The following PI4K2B variants were observed in gnomAD, a reference collection of about 807,000 sequenced individuals.
PI4K2B encodes the protein phosphatidylinositol 4-kinase type 2-beta.
PI4K2B carries 46 observed loss-of-function variants against 56.6 expected under a neutral mutation model. That is an observed-to-expected ratio of 0.81 (90% CI 0.64 to 1.04). The LOEUF (loss-of-function observed/expected upper bound fraction) is 1.04. Ranked by LOEUF, PI4K2B falls within the 50% of genes least tolerant of loss-of-function variation. PI4K2B has a pLI of 0.00. For synonymous variants in PI4K2B, 211 were observed against 223.8 expected, an observed-to-expected ratio of 0.94 and a Z score of 0.51; for missense variants, 556 against 607.7, an observed-to-expected ratio of 0.91 and a Z score of 0.89.
At chr4:25,272,746 A>G (rs1484221681) in intron 9 of PI4K2B, among the ~76,000 whole-genome samples, 1 of 152,170 alleles carries the variant, frequency 6.6e-6, no homozygotes, top group Non-Finnish European at 1.5e-5. Context: ...CACACCTGTA[A>G]TCCCAGTTTG....
In PI4K2B at chr4:25,234,062, T is replaced by C; in HGVS notation, c.-102T>C. 1 of 1,014,824 alleles carries C rather than the reference T, an allele frequency of 9.9e-7. No individual in the cohort carries two copies. Among genetic ancestry groups the C allele is most frequent in the Non-Finnish European group, 1.3e-6 (1 of 790,018 alleles). The allele number at this position is 1,014,824 out of a possible 1,614,324, so 62.9% of individuals were successfully genotyped here. ...GTGCCCGTGCGCTGGTGAGGTGGCG[T>C]CCGTTCTACCCGGTCGCTCCCGTTC... is the stretch of plus-strand genomic sequence containing the variant. On this transcript the variant is annotated 5_prime_UTR_variant, in exon 1 of 10. Transcript: ENST00000264864.
At chr4:25,266,070 T>C (rs1434689123) in intron 7 of PI4K2B, among the ~76,000 whole-genome samples, 1 of 152,106 alleles carries the variant, frequency 6.6e-6, no homozygotes, top group African/African-American at 2.4e-5. Flanking sequence ...CCACTTTGTG[T>C]ATACCTCAGT....
At chr4:25,273,181 T>A (rs887562866) in intron 9 of PI4K2B, among the ~76,000 whole-genome samples, 8 of 150,556 alleles carry the variant, frequency 5.3e-5, no homozygotes, top group African/African-American at 2.0e-4. Context: ...ACGTTAAAGA[T>A]AAACAATGTT....
At chr4:25,273,990 T>A (rs28687138) in intron 9 of PI4K2B, among the ~76,000 whole-genome samples, 4,866 of 152,230 alleles carry the variant, frequency 0.032, 108 homozygotes, top group African/African-American at 0.069. Context: ...TGCCTTGCCC[T>A]CTGTATCTAG....
At chr4:25,260,104 T>C (rs907135613) in intron 5 of PI4K2B, among the ~76,000 whole-genome samples, 5 of 152,196 alleles carry the variant, frequency 3.3e-5, no homozygotes, top group Admixed American at 6.5e-5. Context: ...TTAATTTACA[T>C]ATATATGTTT....
rs543204055 is a variant in PI4K2B, at chr4:25,267,904, G to C, written c.1079-539G>C. Reference sequence around the variant, plus strand: ...ATTTCTGATGATTTGTAGCTGTGGAGGCTAGGCAGACCTCAGCTGTGGTAT... The same window carrying C: ...ATTTCTGATGATTTGTAGCTGTGGACGCTAGGCAGACCTCAGCTGTGGTAT... On this transcript the variant is annotated intron_variant, in intron 7 of 9. Coordinates refer to ENST00000264864, the MANE Select transcript of PI4K2B (RefSeq NM_018323.4). The C allele has an allele frequency of 6.1e-6, 6 of 976,160 alleles. No individual in the cohort carries two copies. In the African/African-American group the frequency reaches 8.7e-5, roughly 14 times the overall value. 60.5% of individuals were successfully genotyped at this position (976,160 alleles called of 1,614,324 possible).
At chr4:25,252,093 C>T (rs566281475) in intron 1 of PI4K2B, among the ~76,000 whole-genome samples, 10 of 152,166 alleles carry the variant, frequency 6.6e-5, no homozygotes, top group Non-Finnish European at 1.5e-4. Flanking sequence ...TCCTAAAGTG[C>T]TGGGATTACA....
rs778150664 is a variant in PI4K2B at position 25,234,198 on chromosome 4, C to T, written c.35C>T (p.Ser12Phe). ...CCCTCCGAGCCCGACCGGTTGGCGT[C>T]CGCGGACGGCGGGAGCCCGGAGGAG... ...EDPSEPDRLASADGGSPEEEE... is the reference protein window; with the variant it reads ...EDPSEPDRLAFADGGSPEEEE... Residue 12 changes from serine to phenylalanine, a missense_variant, in exon 1 of 10, where the codon TCC becomes TTC. Physicochemically the swap from Ser to Phe is radical, Grantham distance 155. Coordinates refer to ENST00000264864, the MANE Select transcript of PI4K2B (RefSeq NM_018323.4). 1 of 1,404,232 alleles carries T rather than the reference C, an allele frequency of 7.1e-7. No individual in the cohort carries two copies. The highest frequency in any genetic ancestry group is 9.3e-7 in the Non-Finnish European group (1 of 1,078,564). 87.0% of individuals were successfully genotyped at this position (1,404,232 alleles called of 1,614,324 possible). A position where few individuals can be genotyped will look rare whatever the true frequency, so the allele number is the denominator to read the frequency against.
chr4:25,251,265 C>A (rs1244360878), intron 1 of PI4K2B, among the ~76,000 whole-genome samples: 1 of 152,042 alleles, frequency 6.6e-6, no homozygotes, highest in Non-Finnish European at 1.5e-5. Flanking sequence ...CTGCTTATTT[C>A]TTAATGAAAT....
rs1002609763 is a variant in PI4K2B, at chr4:25,238,503, G to T, written c.268+4072G>T. ...GAAGCCATGGACCCTCGCGGTTAGT[G>T]TTACAGTTCTTAAAGGCGGTGTGTT... On this transcript the variant is annotated intron_variant, in intron 1 of 9. Transcript: ENST00000264864. Among the ~76,000 whole-genome samples, 15 of 152,290 alleles carry T rather than the reference G, an allele frequency of 9.8e-5. No individual in the cohort carries two copies. In the East Asian group the frequency reaches 2.9e-3, roughly 29 times the overall value.
At chr4:25,266,655 G>A (rs886690741) in intron 7 of PI4K2B, among the ~76,000 whole-genome samples, 7 of 152,226 alleles carry the variant, frequency 4.6e-5, no homozygotes, top group African/African-American at 1.4e-4. Flanking sequence ...GGTACATCTA[G>A]GAAATTTTAC....
intron 9 of PI4K2B, among the ~76,000 whole-genome samples, chr4:25,273,306 A>G (rs1390550569): frequency 1.3e-5 from 2 of 152,210 alleles, no homozygotes; most frequent in African/African-American, 4.8e-5. Context: ...AATGTGAAAT[A>G]TATTTTCCAT....
intron 8 of PI4K2B, 121 bp downstream of exon 8, chr4:25,268,697 A>G (rs1334406063): frequency 4.8e-6 from 3 of 626,658 alleles, no homozygotes; most frequent in African/African-American, 3.8e-5. Context: ...AAAACCTGAC[A>G]GGACAGAGAG....
At chr4:25,273,969 TTTCCCCTCGATGCC>T (rs1350314904) in intron 9 of PI4K2B, among the ~76,000 whole-genome samples, 1 of 152,176 alleles carries the variant, frequency 6.6e-6, no homozygotes, top group Admixed American at 6.5e-5. Flanking sequence ...CACGCGATTC[TTTCCCCTCGATGCC>T]TTGCCCTCTG....
rs756870319 is a variant in PI4K2B, at chr4:25,277,088, G to C, written c.1347G>C (p.Val449=). 6.2e-7 allele frequency: 1 copy of C among 1,613,794 alleles called. No homozygotes were observed. Among genetic ancestry groups the C allele is most frequent in the Non-Finnish European group, 8.5e-7 (1 of 1,179,768 alleles). The stretch of plus-strand genomic sequence containing the variant: ...TAGTACAGATACCTTGTGTGATTGT[G>C]GAACGCAGTCAAGGTGGAAGTCAGG... ...FQLVQIPCVI[V]ERSQGGSQGR... The change falls in exon 10 of 10, where the codon GTG becomes GTC. Residue 449 remains valine, a synonymous_variant. Transcript: ENST00000264864.
At chr4:25,237,509 G>T (rs1465037377) in intron 1 of PI4K2B, among the ~76,000 whole-genome samples, 1 of 152,116 alleles carries the variant, frequency 6.6e-6, no homozygotes, top group African/African-American at 2.4e-5. Context: ...CAAGTAGCTG[G>T]GATTACAGGC....
intron 7 of PI4K2B, among the ~76,000 whole-genome samples, chr4:25,265,198 C>CAAAAAAAAAAAAAAAA (rs71188933): frequency 6.3e-4 from 41 of 65,380 alleles, no homozygotes; most frequent in South Asian, 1.8e-3. Flanking sequence ...TCTGTCTCAC[C>CAAAAAAAAAAAAAAAA]AAAAAAAAAA....
intron 1 of PI4K2B, among the ~76,000 whole-genome samples, chr4:25,240,190 A>G (rs1289212960): frequency 6.6e-5 from 10 of 152,210 alleles, no homozygotes; most frequent in Admixed American, 6.5e-4. Context: ...GTCTGATTTC[A>G]GAAGCCTTTT....
At chr4:25,276,504 G>A (rs1257539924) in intron 9 of PI4K2B, 1 of 274,802 alleles carries the variant, frequency 3.6e-6, no homozygotes, top group Non-Finnish European at 5.5e-6. Flanking sequence ...CTGCTAAAGT[G>A]TAAGCTCTAC....
Sources: gnomAD v4.1 joint callset for allele counts (sites outside exome capture counted in the v4.1 genomes callset) on GRCh38, gnomAD v4.1.1 for gene constraint, MANE v1.5 for transcripts, NCBI Gene and HGNC (gene_info 2026-07-23, HGNC 2026-07-21) for gene names.